The following CCDC73 variants were observed in gnomAD, a reference collection of about 807,000 sequenced individuals.
The protein encoded by CCDC73 is coiled-coil domain-containing protein 73.
Under a neutral mutation model 116.5 loss-of-function variants are expected in CCDC73, and 95 were observed. That is an observed-to-expected ratio of 0.82 (90% CI 0.69 to 0.97). CCDC73 has a LOEUF of 0.97. Among genes scored for constraint, CCDC73 ranks in the 50% least tolerant of loss-of-function variants. The probability of loss-of-function intolerance (pLI) is 0.00; values close to 1 mark genes in which losing one functional copy is unlikely to be tolerated. For missense variants in CCDC73, 1,066 were observed against 1,206.8 expected (o/e 0.88, Z 1.73); for synonymous variants, 398 against 401.3 (o/e 0.99, Z 0.10).
At chr11:32,794,584 A>G (rs10835974) in intron 1 of CCDC73, 29 bp downstream of exon 1, 39,110 of 152,210 alleles carry the variant, frequency 0.26, 6,040 homozygotes, top group East Asian at 0.79. Context: ...AAACAGCCCA[A>G]CTACACGCTT....
intron 1 of CCDC73, among the ~76,000 whole-genome samples, chr11:32,780,594 G>T (rs939850154): frequency 6.6e-6 from 1 of 152,080 alleles, no homozygotes; most frequent in Non-Finnish European, 1.5e-5. Flanking sequence ...AGAAAGAAAA[G>T]TTGGAAACAA....
At chr11:32,606,877 C>T (rs1384527843) in intron 17 of CCDC73, among the ~76,000 whole-genome samples, 21 of 140,512 alleles carry the variant, frequency 1.5e-4, no homozygotes, top group Admixed American at 7.6e-5. Context: ...GTGGCACAAT[C>T]GGCTCACTGC....
At chr11:32,634,635 CATTAG>C (rs1289531720) in intron 14 of CCDC73, among the ~76,000 whole-genome samples, 1 of 152,102 alleles carries the variant, frequency 6.6e-6, no homozygotes, top group Admixed American at 6.6e-5. Flanking sequence ...TGTTATTCAA[CATTAG>C]ATTAGAGGGT....
At chr11:32,739,784 A>G (rs1850167420) in intron 2 of CCDC73, among the ~76,000 whole-genome samples, 1 of 150,886 alleles carries the variant, frequency 6.6e-6, no homozygotes, top group Admixed American at 6.6e-5. Context: ...AAAAGGTTTC[A>G]GTTTCTTCCC....
chr11:32,793,719 T>G (rs377354131), intron 1 of CCDC73, among the ~76,000 whole-genome samples: 3 of 152,088 alleles, frequency 2.0e-5, no homozygotes, highest in East Asian at 3.9e-4. Context: ...CAAGCAATTC[T>G]CCTGCCTCAG....
rs185335936 is a variant in CCDC73 at position 32,618,612 on chromosome 11, A to G, written c.1186-2483T>C. On this transcript the variant is annotated intron_variant, in intron 14 of 17. Coordinates refer to ENST00000335185, the MANE Select transcript of CCDC73 (RefSeq NM_001008391.4). The stretch of plus-strand genomic sequence containing the variant: ...TTATCGCCCAGGCTGGAGTGCAGTG[A>G]TGCAATCTCAGCTCACTGCAACCTC... Among the ~76,000 whole-genome samples the G allele has an allele frequency of 1.5e-3, 233 of 152,180 alleles. 1 individual carries two copies. Among genetic ancestry groups the G allele is most frequent in the Admixed American group, 5.7e-3 (87 of 15,294 alleles).
chr11:32,655,931 G>A (rs775183207), intron 9 of CCDC73, among the ~76,000 whole-genome samples: 1 of 152,134 alleles, frequency 6.6e-6, no homozygotes, highest in Non-Finnish European at 1.5e-5. Flanking sequence ...GCAATTGATT[G>A]TGCTGTTCTT....
intron 6 of CCDC73, among the ~76,000 whole-genome samples, chr11:32,692,104 C>A (rs1292961802): frequency 6.9e-6 from 1 of 144,332 alleles, no homozygotes; most frequent in Non-Finnish European, 1.5e-5. Context: ...TCTAGATTTT[C>A]TCCTACGTTT....
At chr11:32,710,230 G>A (rs762205795) in intron 3 of CCDC73, among the ~76,000 whole-genome samples, 7 of 151,910 alleles carry the variant, frequency 4.6e-5, no homozygotes, top group Non-Finnish European at 7.4e-5. Context: ...TCCTCTGCTG[G>A]GTTTGGATTG....
chr11:32,667,899 A>G (rs1856001375), intron 9 of CCDC73, among the ~76,000 whole-genome samples: 1 of 152,192 alleles, frequency 6.6e-6, no homozygotes, highest in Non-Finnish European at 1.5e-5. Context: ...TTGTGCTGCT[A>G]TTATTATCAG....
At chr11:32,644,934 G>T (rs997181132) in intron 12 of CCDC73, among the ~76,000 whole-genome samples, 1 of 152,112 alleles carries the variant, frequency 6.6e-6, no homozygotes, top group African/African-American at 2.4e-5. Context: ...ATCAGTAGTT[G>T]GTTCTCTTTT....
intron 3 of CCDC73, among the ~76,000 whole-genome samples, chr11:32,712,611 C>T (rs1216425182): frequency 6.6e-6 from 1 of 151,760 alleles, no homozygotes; most frequent in East Asian, 1.9e-4. Context: ...AAGAAAAACT[C>T]ATTGCTTATT....
intron 3 of CCDC73, among the ~76,000 whole-genome samples, chr11:32,711,517 T>C (rs151229904): frequency 4.6e-5 from 7 of 152,194 alleles, no homozygotes; most frequent in African/African-American, 1.7e-4. Context: ...GGAGACTTTA[T>C]GCCAAATATC....
At chr11:32,735,979 C>T (rs2133351128) in intron 2 of CCDC73, among the ~76,000 whole-genome samples, 1 of 152,250 alleles carries the variant, frequency 6.6e-6, no homozygotes, top group East Asian at 1.9e-4. Flanking sequence ...GAAACTGGAT[C>T]CCTTCCTTAC....
chr11:32,797,139 A>G (rs1850733540), upstream of CCDC73, among the ~76,000 whole-genome samples: 1 of 152,052 alleles, frequency 6.6e-6, no homozygotes. Context: ...AACTGTTTCT[A>G]TCAGCAGTTA....
intron 13 of CCDC73, among the ~76,000 whole-genome samples, chr11:32,636,253 T>C (rs1258846150): frequency 6.6e-6 from 1 of 152,152 alleles, no homozygotes; most frequent in African/African-American, 2.4e-5. Flanking sequence ...TAAATAAGAA[T>C]TTATGAATTT....
At chr11:32,622,189 G>A (rs557372310) in intron 14 of CCDC73, among the ~76,000 whole-genome samples, 2 of 152,180 alleles carry the variant, frequency 1.3e-5, no homozygotes, top group African/African-American at 4.8e-5. Context: ...ATGTTATTCT[G>A]TTATAAAGAT....
intron 2 of CCDC73, among the ~76,000 whole-genome samples, chr11:32,722,964 C>G (rs1850002662): frequency 6.6e-6 from 1 of 152,192 alleles, no homozygotes; most frequent in South Asian, 2.1e-4. Context: ...AGTACTCAAA[C>G]TCAGATCATC....
the CCDC73 span, among the ~76,000 whole-genome samples, chr11:32,809,380 C>T: frequency 2.6e-5 from 4 of 152,118 alleles, no homozygotes; most frequent in African/African-American, 9.7e-5. Flanking sequence ...ACAACCTAGA[C>T]AATAATAGAG....
Sources: allele counts gnomAD v4.1 joint callset (sites outside exome capture counted in the v4.1 genomes callset), GRCh38; gene constraint gnomAD v4.1.1; transcripts MANE v1.5; gene names NCBI Gene and HGNC (gene_info 2026-07-23, HGNC 2026-07-21).